Variants in ANO3 observed in about 807,000 individuals in gnomAD.
The protein encoded by ANO3 is anoctamin 3.
Under a neutral mutation model 144.8 loss-of-function variants are expected in ANO3, and 99 were observed. The ratio of observed to expected loss-of-function variants is 0.68; its 90% CI spans 0.58 to 0.81. The LOEUF is 0.81. Among genes scored for constraint, ANO3 ranks in the 30% least tolerant of loss-of-function variants. The probability of loss-of-function intolerance (pLI) is 0.00; values close to 1 mark genes in which losing one functional copy is unlikely to be tolerated. For missense variants in ANO3, 905 were observed against 1,202.2 expected, an observed-to-expected ratio of 0.75 and a Z score of 3.66; for synonymous variants, 414 against 392.6, an observed-to-expected ratio of 1.05 and a Z score of -0.64.
chr11:26,571,708 C>G (rs1036800600), intron 14 of ANO3, among the ~76,000 whole-genome samples: 1 of 152,108 alleles, frequency 6.6e-6, no homozygotes, highest in Non-Finnish European at 1.5e-5. Context: ...CATTTTGAAA[C>G]CTTTACTAAG....
At chr11:26,332,356 C>T (rs1278340980) in intron 1 of ANO3, 35 bp downstream of exon 1, 2 of 1,607,276 alleles carry the variant, frequency 1.2e-6, no homozygotes, top group Admixed American at 1.7e-5. Context: ...TCCCTGCGGG[C>T]GTCACTTCCC....
chr11:26,559,773 A>G lies in ANO3; in HGVS notation c.1441A>G (p.Ile481Val). 6.2e-7 allele frequency: 1 copy of G among 1,608,608 alleles called. No homozygotes were observed. Among genetic ancestry groups the G allele is most frequent in the Middle Eastern group, 1.8e-4 (1 of 5,636 alleles). Residue 481 changes from isoleucine (I) to valine (V), a missense_variant, in exon 14 of 27, where the codon ATA (isoleucine) becomes GTA (valine). Coordinates refer to ENST00000256737, the MANE Select transcript of ANO3 (RefSeq NM_031418.4). Reference protein sequence around the residue: ...GTVFFAIFMAIWATVFLEFWK... With the variant: ...GTVFFAIFMAVWATVFLEFWK... Reference sequence around the variant, plus strand: ...AGTCTTCTTTGCTATTTTTATGGCAATATGGGGTAAGTACTTTCTTCATTA... The same window carrying G: ...AGTCTTCTTTGCTATTTTTATGGCAGTATGGGGTAAGTACTTTCTTCATTA...
At chr11:26,572,047 G>T (rs748058144) in intron 14 of ANO3, 4 of 981,508 alleles carry the variant, frequency 4.1e-6, no homozygotes, top group Admixed American at 6.2e-5. Context: ...TTACCTTCAG[G>T]CTTAGGAGGT....
chr11:26,220,306 G>A (rs1389411637), intron 1 of ANO3, among the ~76,000 whole-genome samples: 4 of 152,220 alleles, frequency 2.6e-5, no homozygotes, highest in Non-Finnish European at 5.9e-5. Context: ...CCTTACTATA[G>A]GCAGGATGAT....
At chr11:26,611,054 C>A (rs1380058680) in intron 17 of ANO3, among the ~76,000 whole-genome samples, 2 of 151,850 alleles carry the variant, frequency 1.3e-5, no homozygotes, top group African/African-American at 4.8e-5. Context: ...TCTAAGATTT[C>A]TCATATTTGT....
chr11:26,438,989 T>TAGGA (rs1858412619), intron 1 of ANO3, among the ~76,000 whole-genome samples: 1 of 151,994 alleles, frequency 6.6e-6, no homozygotes, highest in African/African-American at 2.4e-5. Flanking sequence ...GGAATGGACA[T>TAGGA]ATAGATTGGT....
intron 8 of ANO3, among the ~76,000 whole-genome samples, chr11:26,533,908 G>A (rs964576400): frequency 4.6e-5 from 7 of 152,030 alleles, no homozygotes; most frequent in Admixed American, 2.0e-4. Flanking sequence ...CCATTTTTTC[G>A]AGATTCCCAG....
intron 1 of ANO3, among the ~76,000 whole-genome samples, chr11:26,265,449 T>G (rs1853288381): frequency 6.6e-6 from 1 of 152,208 alleles, no homozygotes; most frequent in Non-Finnish European, 1.5e-5. Flanking sequence ...CCTAATAGAT[T>G]CTACATTAAC....
chr11:26,326,420 T>C (rs1243870603), intron 1 of ANO3, among the ~76,000 whole-genome samples: 1 of 152,190 alleles, frequency 6.6e-6, no homozygotes, highest in East Asian at 1.9e-4. Flanking sequence ...TCATTATGGA[T>C]GTATCTATGC....
chr11:26,413,456 A>G (rs1396333680), intron 1 of ANO3, among the ~76,000 whole-genome samples: 1 of 152,044 alleles, frequency 6.6e-6, no homozygotes, highest in Non-Finnish European at 1.5e-5. Context: ...AGAATTGTCT[A>G]ATTTTTCAAC....
intron 4 of ANO3, among the ~76,000 whole-genome samples, chr11:26,502,848 GGAA>G (rs1861254600): frequency 5.1e-4 from 12 of 23,584 alleles, no homozygotes; most frequent in Admixed American, 2.2e-3. Flanking sequence ...AAACATTCAG[GGAA>G]AAAAAAAAAA....
chr11:26,569,169 C>A (rs1168582502), intron 14 of ANO3, among the ~76,000 whole-genome samples: 1 of 152,008 alleles, frequency 6.6e-6, no homozygotes, highest in Non-Finnish European at 1.5e-5. Context: ...TGACATTGAA[C>A]CACCAAGGGG....
At chr11:26,475,801 C>A (rs1859946090) in intron 4 of ANO3, among the ~76,000 whole-genome samples, 1 of 151,846 alleles carries the variant, frequency 6.6e-6, no homozygotes. Context: ...AAATGAGAGA[C>A]TAAATTCAGT....
At position 26,244,890 on chromosome 11, in the gene ANO3, C is replaced by A. The variant is rs996000993; in HGVS notation, c.154+55560C>A. On this transcript the variant is annotated intron_variant, in intron 1 of 27. Coordinates refer to the ANO3 transcript ENST00000672621. Reference sequence around the variant, plus strand: ...TTTCATAATTATTTATTTGTTAATTCCAGGCACACTCAAGGATCACATATT... The same window carrying A: ...TTTCATAATTATTTATTTGTTAATTACAGGCACACTCAAGGATCACATATT... Among the ~76,000 whole-genome samples the A allele has an allele frequency of 3.3e-5, 5 of 151,484 alleles. No homozygotes were observed. In the South Asian group the frequency reaches 1.0e-3, roughly 32 times the overall value.
At chr11:26,638,705 C>A (rs1853047368) in intron 20 of ANO3, among the ~76,000 whole-genome samples, 1 of 152,186 alleles carries the variant, frequency 6.6e-6, no homozygotes, top group Admixed American at 6.6e-5. Flanking sequence ...TGTATGGGAA[C>A]TCTGTACTAT....
At chr11:26,391,108 G>A (rs1470014225) in intron 1 of ANO3, among the ~76,000 whole-genome samples, 1 of 151,740 alleles carries the variant, frequency 6.6e-6, no homozygotes, top group Admixed American at 6.6e-5. Context: ...GGACATTTAC[G>A]AATTAAAAAA....
At chr11:26,208,878 G>A (rs1359073042) in intron 1 of ANO3, among the ~76,000 whole-genome samples, 1 of 152,182 alleles carries the variant, frequency 6.6e-6, no homozygotes, top group Non-Finnish European at 1.5e-5. Context: ...AAGGCAGATA[G>A]CAGATCATAT....
chr11:26,260,401 AAAG>A (rs34081007), intron 1 of ANO3, among the ~76,000 whole-genome samples: 10 of 152,328 alleles, frequency 6.6e-5, no homozygotes, highest in Non-Finnish European at 1.3e-4. Context: ...TTGAAATTTT[AAAG>A]AAGTTTTGTG....
chr11:26,368,082 C>T (rs1311806229), intron 1 of ANO3, among the ~76,000 whole-genome samples: 2 of 152,190 alleles, frequency 1.3e-5, no homozygotes, highest in African/African-American at 4.8e-5. Context: ...CCTATGCATA[C>T]CTGAAAGGTA....
Sources: allele counts gnomAD v4.1 joint callset (sites outside exome capture counted in the v4.1 genomes callset), GRCh38; gene constraint gnomAD v4.1.1; transcripts MANE v1.5; gene names NCBI Gene and HGNC (gene_info 2026-07-23, HGNC 2026-07-21).